PLLP: variants seen among roughly 807,000 people sequenced by gnomAD.
PLLP encodes plasmolipin.
Under a neutral mutation model 19.7 loss-of-function variants are expected in PLLP, and 15 were observed. The observed-to-expected ratio is 0.76, with a 90% CI of 0.51 to 1.17. The LOEUF is 1.17. PLLP is among the 50% of genes most tolerant of loss of function. PLLP has a pLI of 0.00. For synonymous variants in PLLP, 111 were observed against 116.3 expected, an observed-to-expected ratio of 0.95 and a Z score of 0.29; for missense variants, 255 against 258.3, an observed-to-expected ratio of 0.99 and a Z score of 0.09.
chr16:57,262,509 G>A (rs1225760895), intron 1 of PLLP, among the ~76,000 whole-genome samples: 2 of 152,026 alleles, frequency 1.3e-5, no homozygotes, highest in Non-Finnish European at 2.9e-5. Context: ...CTGAGATCAC[G>A]CCACTGCACT....
intron 1 of PLLP, among the ~76,000 whole-genome samples, chr16:57,276,462 G>A (rs764816487): frequency 2.6e-5 from 4 of 151,522 alleles, no homozygotes; most frequent in Non-Finnish European, 5.9e-5. Flanking sequence ...CTTGGTGGTG[G>A]GCGCCTGTAA....
chr16:57,270,819 C>A (rs2075472508), intron 1 of PLLP, among the ~76,000 whole-genome samples: 1 of 152,182 alleles, frequency 6.6e-6, no homozygotes, highest in Admixed American at 6.5e-5. Context: ...ACTCGGAACC[C>A]AGCCCCAGAT....
intron 1 of PLLP, among the ~76,000 whole-genome samples, chr16:57,273,251 C>A (rs1901100804): frequency 1.3e-5 from 2 of 150,370 alleles, no homozygotes; most frequent in African/African-American, 4.9e-5. Context: ...CAGAGCAAGA[C>A]TCCATCTCAA....
chr16:57,279,678 GAA>G (rs141312419), intron 1 of PLLP, among the ~76,000 whole-genome samples: 42 of 142,428 alleles, frequency 2.9e-4, no homozygotes, highest in Middle Eastern at 3.6e-3. Context: ...TTGTCTCGAG[GAA>G]AAAAAAAAAA....
chr16:57,271,767 G>A (rs2075476546), intron 1 of PLLP, among the ~76,000 whole-genome samples: 1 of 152,042 alleles, frequency 6.6e-6, no homozygotes, highest in Admixed American at 6.5e-5. Flanking sequence ...TCCCTCCACA[G>A]GCCGCCCCCA....
chr16:57,264,128 A>T (rs1365010500), intron 1 of PLLP, among the ~76,000 whole-genome samples: 6 of 152,094 alleles, frequency 3.9e-5, no homozygotes, highest in Non-Finnish European at 7.4e-5. Context: ...ATCCAAAAGC[A>T]ACCTCGTCGA....
chr16:57,267,569 GAAACA>G (rs200253739), intron 1 of PLLP, among the ~76,000 whole-genome samples: 2,134 of 145,400 alleles, frequency 0.015, 49 homozygotes, highest in African/African-American at 0.048. Context: ...CTCTGTCTCA[GAAACA>G]AAACAAAACA....
chr16:57,280,813 C>T (rs201568319), intron 1 of PLLP, among the ~76,000 whole-genome samples: 9 of 152,158 alleles, frequency 5.9e-5, no homozygotes, highest in East Asian at 5.8e-4. Flanking sequence ...CAAGGAATAA[C>T]GATAGTGATA....
intron 1 of PLLP, 30 bp from the exon 2 acceptor site, chr16:57,262,100 C>G: frequency 6.2e-7 from 1 of 1,610,430 alleles, no homozygotes; most frequent in African/African-American, 1.3e-5. Flanking sequence ...CAGGATTGGC[C>G]AGAGATGCGG....
At chr16:57,280,281 C>T (rs1901202510) in intron 1 of PLLP, among the ~76,000 whole-genome samples, 1 of 152,214 alleles carries the variant, frequency 6.6e-6, no homozygotes. Flanking sequence ...GTTCCTCACC[C>T]TCTCGGAGCC....
chr16:57,282,061 G>A lies in PLLP; in HGVS notation c.135+2345C>T, dbSNP rs1010121400. Among the ~76,000 whole-genome samples the A allele has an allele frequency of 2.0e-5, 3 of 152,168 alleles. No individual in the cohort carries two copies. In the South Asian group the frequency reaches 6.2e-4, roughly 32 times the overall value. ...AGATGCGCAGGGCTGGATTGCTGAG[G>A]CCACAGGGGATGCCCCCACCCATCC... is the stretch of plus-strand genomic sequence containing the variant. On this transcript the variant is annotated intron_variant, in intron 1 of 3. Coordinates refer to ENST00000219207, the MANE Select transcript of PLLP (RefSeq NM_015993.3).
intron 2 of PLLP, among the ~76,000 whole-genome samples, chr16:57,259,599 T>C (rs1441752870): frequency 6.6e-6 from 1 of 152,186 alleles, no homozygotes; most frequent in Non-Finnish European, 1.5e-5. Context: ...ATTCAGTTCG[T>C]CCAATATACT....
chr16:57,282,994 G>A (rs967030779), intron 1 of PLLP, among the ~76,000 whole-genome samples: 3 of 152,132 alleles, frequency 2.0e-5, no homozygotes, highest in Non-Finnish European at 4.4e-5. Flanking sequence ...CCAGAGCAGA[G>A]CATTCTAGCG....
At chr16:57,262,911 C>T (rs1002744592) in intron 1 of PLLP, among the ~76,000 whole-genome samples, 2 of 152,026 alleles carry the variant, frequency 1.3e-5, no homozygotes, top group East Asian at 1.9e-4. Context: ...GCTCACAGGG[C>T]CCCCCAGGCA....
At chr16:57,272,483 T>A (rs1172005536) in intron 1 of PLLP, among the ~76,000 whole-genome samples, 6 of 152,134 alleles carry the variant, frequency 3.9e-5, no homozygotes, top group Non-Finnish European at 7.4e-5. Flanking sequence ...CTGTTGGAAG[T>A]ATATAGAGCC....
chr16:57,256,713 C>A lies in PLLP; in HGVS notation c.*200G>T. The A allele has an allele frequency of 1.8e-6, 1 of 564,642 alleles. No individual in the cohort carries two copies. Among genetic ancestry groups the A allele is most frequent in the South Asian group, 2.3e-5 (1 of 42,684 alleles). The allele number at this position is 564,642 out of a possible 1,614,324, so 35.0% of individuals were successfully genotyped here. ...GAGAAGAGGTCTCAGCAGTTGGCCTCCTGCAAGCCGAGATGCCTGCCAGCC... is the reference window on the plus strand; with the variant it reads ...GAGAAGAGGTCTCAGCAGTTGGCCTACTGCAAGCCGAGATGCCTGCCAGCC... On this transcript the variant is annotated 3_prime_UTR_variant, in exon 4 of 4. Transcript: ENST00000219207.
intron 1 of PLLP, among the ~76,000 whole-genome samples, chr16:57,270,856 G>C (rs1255819488): frequency 6.6e-6 from 1 of 152,174 alleles, no homozygotes; most frequent in Non-Finnish European, 1.5e-5. Flanking sequence ...GTACTGAATA[G>C]CCCTAAGCTC....
chr16:57,278,739 T>C (rs1901183721), intron 1 of PLLP, among the ~76,000 whole-genome samples: 1 of 152,144 alleles, frequency 6.6e-6, no homozygotes, highest in African/African-American at 2.4e-5. Context: ...ATCTCAGTGC[T>C]AAGGGAAGCC....
intron 1 of PLLP, among the ~76,000 whole-genome samples, chr16:57,271,230 C>T (rs1198618943): frequency 6.6e-6 from 1 of 152,108 alleles, no homozygotes; most frequent in Non-Finnish European, 1.5e-5. Flanking sequence ...CCTGGACCCC[C>T]AGCAAGGTCC....
Sources: allele counts gnomAD v4.1 joint callset (sites outside exome capture counted in the v4.1 genomes callset), GRCh38; gene constraint gnomAD v4.1.1; transcripts MANE v1.5; gene names NCBI Gene and HGNC (gene_info 2026-07-23, HGNC 2026-07-21).